Variants in SH3BGRL2 observed in about 807,000 individuals in gnomAD.
SH3BGRL2 encodes the protein SH3 domain binding glutamate rich protein like 2, also known as SH3 domain-binding glutamic acid-rich-like protein 2.
Under a neutral mutation model 14.8 loss-of-function variants are expected in SH3BGRL2, and 21 were observed. The ratio of observed to expected loss-of-function variants is 1.42; its 90% confidence interval spans 1.01 to 2.05. The LOEUF (loss-of-function observed/expected upper bound fraction) is 2.05. SH3BGRL2 is among the 30% of genes most tolerant of loss of function. SH3BGRL2 has a pLI of 0.00. For missense variants in SH3BGRL2, 147 were observed against 130.8 expected, an observed-to-expected ratio of 1.12 and a Z score of -0.61; for synonymous variants, 50 against 47.8, an observed-to-expected ratio of 1.05 and a Z score of -0.19.
At chr6:79,670,673 T>C (rs936954305) in intron 1 of SH3BGRL2, among the ~76,000 whole-genome samples, 2 of 152,230 alleles carry the variant, frequency 1.3e-5, no homozygotes, top group African/African-American at 4.8e-5. Context: ...AAGGGTTTAT[T>C]TGTCTAATAC....
At chr6:79,539,953 T>G in the SH3BGRL2 span, among the ~76,000 whole-genome samples, 1 of 152,208 alleles carries the variant, frequency 6.6e-6, no homozygotes, top group Non-Finnish European at 1.5e-5. Flanking sequence ...TACAGAAATG[T>G]GATACATAAC....
At chr6:79,566,260 T>G in the SH3BGRL2 span, among the ~76,000 whole-genome samples, 1 of 152,192 alleles carries the variant, frequency 6.6e-6, no homozygotes, top group Admixed American at 6.5e-5. Context: ...ATACCTGGCT[T>G]ATTACTGGTA....
chr6:79,678,783 C>G (rs1769933490), intron 2 of SH3BGRL2, among the ~76,000 whole-genome samples: 1 of 152,144 alleles, frequency 6.6e-6, no homozygotes, highest in African/African-American at 2.4e-5. Flanking sequence ...TGTCACCACT[C>G]TAGTGGTTCG....
At chr6:79,575,297 G>A in the SH3BGRL2 span, 1 of 152,064 alleles carries the variant, frequency 6.6e-6, no homozygotes, top group Admixed American at 6.5e-5. Flanking sequence ...TTAAAATCCT[G>A]GATAGTCTTA....
chr6:79,644,895 C>T (rs1769098733), intron 1 of SH3BGRL2, among the ~76,000 whole-genome samples: 1 of 151,728 alleles, frequency 6.6e-6, no homozygotes, highest in African/African-American at 2.4e-5. Context: ...CGCGGTGGCT[C>T]ACCCCTGTAA....
chr6:79,567,307 A>T, the SH3BGRL2 span, among the ~76,000 whole-genome samples: 1 of 152,244 alleles, frequency 6.6e-6, no homozygotes, highest in Non-Finnish European at 1.5e-5. Context: ...AATTTATTCA[A>T]AAAAGCAAAA....
the SH3BGRL2 span, among the ~76,000 whole-genome samples, chr6:79,580,203 AC>A: frequency 6.6e-6 from 1 of 152,192 alleles, no homozygotes; most frequent in Non-Finnish European, 1.5e-5. Context: ...ATAATGGGAG[AC>A]TTTAACACCC....
At chr6:79,619,852 T>C in the SH3BGRL2 span, among the ~76,000 whole-genome samples, 4 of 152,214 alleles carry the variant, frequency 2.6e-5, no homozygotes, top group African/African-American at 9.6e-5. Context: ...TTGTGCTAAT[T>C]TAAAGGCAAT....
chr6:79,694,775 G>C (rs1286388198), intron 2 of SH3BGRL2, among the ~76,000 whole-genome samples: 2 of 151,960 alleles, frequency 1.3e-5, no homozygotes, highest in Non-Finnish European at 2.9e-5. Flanking sequence ...AACCAAGTAT[G>C]ATCACTTCTA....
the SH3BGRL2 span, among the ~76,000 whole-genome samples, chr6:79,558,606 T>G: frequency 6.6e-6 from 1 of 152,048 alleles, no homozygotes; most frequent in Admixed American, 6.5e-5. Context: ...GGCTCATGCT[T>G]GTAATCCTAG....
intron 1 of SH3BGRL2, among the ~76,000 whole-genome samples, chr6:79,666,238 A>G (rs1424840370): frequency 6.6e-6 from 1 of 152,134 alleles, no homozygotes; most frequent in Non-Finnish European, 1.5e-5. Flanking sequence ...CAACGTGGAA[A>G]GGCTGCCCCA....
At chr6:79,543,297 A>G in the SH3BGRL2 span, among the ~76,000 whole-genome samples, 3 of 152,204 alleles carry the variant, frequency 2.0e-5, no homozygotes, top group African/African-American at 7.2e-5. Context: ...CCTAGTATAT[A>G]TTTTGCAGTT....
the SH3BGRL2 span, among the ~76,000 whole-genome samples, chr6:79,606,814 C>T: frequency 6.6e-6 from 1 of 151,796 alleles, no homozygotes; most frequent in Admixed American, 6.6e-5. Flanking sequence ...CCAGTGCATT[C>T]TTGCTTTCTT....
the SH3BGRL2 span, among the ~76,000 whole-genome samples, chr6:79,564,466 T>G: frequency 6.6e-6 from 1 of 152,224 alleles, no homozygotes; most frequent in East Asian, 1.9e-4. Context: ...CTATGATGTT[T>G]CATTAGAAAA....
chr6:79,644,991 C>G (rs889538406), intron 1 of SH3BGRL2, among the ~76,000 whole-genome samples: 3 of 151,914 alleles, frequency 2.0e-5, no homozygotes, highest in Admixed American at 6.6e-5. Flanking sequence ...GAAACCCTGT[C>G]TCTACTAAAA....
intron 1 of SH3BGRL2, among the ~76,000 whole-genome samples, chr6:79,657,316 G>T (rs1769440714): frequency 6.6e-6 from 1 of 152,178 alleles, no homozygotes; most frequent in African/African-American, 2.4e-5. Flanking sequence ...ATAGGAAAGG[G>T]ACTGTAGCAA....
At chr6:79,588,224 C>T in the SH3BGRL2 span, among the ~76,000 whole-genome samples, 3,689 of 147,742 alleles carry the variant, frequency 0.025, 60 homozygotes, top group Middle Eastern at 0.077. Flanking sequence ...ACCCAGGAGG[C>T]AGAGGTTGCA....
Position 79,686,627 on chromosome 6 carries a change from T to A in SH3BGRL2, c.232-9858T>A, listed in dbSNP as rs564968095. Among the ~76,000 whole-genome samples, 15 of 152,336 alleles carry A rather than the reference T, an allele frequency of 9.8e-5. No homozygotes were observed. In the East Asian group the frequency reaches 2.5e-3, roughly 25 times the overall value. On this transcript the variant is annotated intron_variant, in intron 2 of 3. Transcript: ENST00000369838. ...CTTTAAAAATAGTGGCTTGTTCTTG[T>A]TTCGTGGATGCAGCATTTTCTTTAA...
the SH3BGRL2 span, among the ~76,000 whole-genome samples, chr6:79,590,424 GATATATATATATATATATATATATAT>G: frequency 1.0e-4 from 7 of 66,684 alleles, 1 homozygote; most frequent in East Asian, 1.4e-3. Flanking sequence ...AAGAAAATGT[GATATATATATATATATATATATATAT>G]ATATATATAT....
Sources: gnomAD v4.1 joint callset for allele counts (sites outside exome capture counted in the v4.1 genomes callset) on GRCh38, gnomAD v4.1.1 for gene constraint, MANE v1.5 for transcripts, NCBI Gene and HGNC (gene_info 2026-07-23, HGNC 2026-07-21) for gene names.